The following CLDN14 variants were observed in gnomAD, a reference collection of about 807,000 sequenced individuals.
CLDN14 encodes claudin 14.
In CLDN14, 2 loss-of-function variants were observed where a neutral mutation model predicts 2.1. The ratio of observed to expected loss-of-function variants is 0.96; its 90% CI spans 0.39 to 3.01. The LOEUF is 3.01. Ranked by LOEUF, CLDN14 falls within the 30% of genes most tolerant of loss-of-function variation. The pLI, the probability that CLDN14 is intolerant of heterozygous loss-of-function variation, is 0.09. For synonymous variants in CLDN14, 136 were observed against 154.4 expected (o/e 0.88, Z 0.88); for missense variants, 298 against 328.0 (o/e 0.91, Z 0.71).
intron 1 of CLDN14, among the ~76,000 whole-genome samples, chr21:36,537,649 T>A (rs2087436493): frequency 9.1e-6 from 1 of 109,484 alleles, no homozygotes. Context: ...TGTTTTTCTT[T>A]TCTTTTCTTT....
intron 1 of CLDN14, among the ~76,000 whole-genome samples, chr21:36,512,945 A>G (rs1258530220): frequency 1.3e-5 from 2 of 152,252 alleles, no homozygotes; most frequent in Non-Finnish European, 2.9e-5. Flanking sequence ...ATAGCAACAA[A>G]GCAAGTACAT....
chr21:36,538,015 G>GTGTA (rs2087443241), intron 1 of CLDN14, among the ~76,000 whole-genome samples: 1 of 151,418 alleles, frequency 6.6e-6, no homozygotes, highest in South Asian at 2.1e-4. Context: ...GTGTGTGTGT[G>GTGTA]TACAGAGAGA....
chr21:36,502,047 G>C (rs1353593248), intron 2 of CLDN14, among the ~76,000 whole-genome samples: 1 of 152,016 alleles, frequency 6.6e-6, no homozygotes, highest in Non-Finnish European at 1.5e-5. Context: ...GGATGGAAGG[G>C]GTTAATGGTG....
chr21:36,515,591 TA>T (rs1418783603), intron 1 of CLDN14, among the ~76,000 whole-genome samples: 3 of 149,188 alleles, frequency 2.0e-5, no homozygotes, highest in Non-Finnish European at 4.4e-5. Flanking sequence ...GAGAATCACT[TA>T]AATCTGGGAG....
chr21:36,490,177 C>T (rs983985682), intron 2 of CLDN14, among the ~76,000 whole-genome samples: 1 of 152,090 alleles, frequency 6.6e-6, no homozygotes, highest in African/African-American at 2.4e-5. Context: ...GAGAAGAATG[C>T]TCTGTTTTAT....
chr21:36,530,331 A>G (rs895510319), intron 1 of CLDN14, among the ~76,000 whole-genome samples: 4 of 152,188 alleles, frequency 2.6e-5, no homozygotes, highest in African/African-American at 9.7e-5. Context: ...CTGAGGGAGC[A>G]GCTCCCCCTG....
Position 36,499,720 on chromosome 21 carries a change from T to C in CLDN14, c.-82+10643A>G, listed in dbSNP as rs1376979075. 1.3e-5 allele frequency among the ~76,000 whole-genome samples: 2 copies of C among 152,214 alleles called. No individual in the cohort carries two copies. The highest frequency in any genetic ancestry group is 4.8e-5 in the African/African-American group (2 of 41,456). On this transcript the variant is annotated intron_variant, in intron 2 of 2. Coordinates refer to the CLDN14 transcript ENST00000342108. The surrounding 1 kb of genome is among the most constrained non-coding windows in gnomAD (Gnocchi z 4.7). ...ACACGCAGACAATAAATACTGATTCTTGGACTACAGAGCCAAAGACAAATC... is the reference window on the plus strand; with the variant it reads ...ACACGCAGACAATAAATACTGATTCCTGGACTACAGAGCCAAAGACAAATC...
At chr21:36,474,936 T>C (rs1398366700) in intron 1 of CLDN14, among the ~76,000 whole-genome samples, 2 of 152,038 alleles carry the variant, frequency 1.3e-5, no homozygotes, top group Non-Finnish European at 2.9e-5. Context: ...GCTCCAAGTT[T>C]CTCAGGGAAA....
chr21:36,463,159 C>T (rs745392970), intron 1 of CLDN14, among the ~76,000 whole-genome samples: 27 of 152,162 alleles, frequency 1.8e-4, no homozygotes, highest in Non-Finnish European at 3.5e-4. Flanking sequence ...GCATTAGCAG[C>T]GAGCATTAGG....
At chr21:36,466,657 A>G (rs1441669076) in intron 1 of CLDN14, among the ~76,000 whole-genome samples, 1 of 152,192 alleles carries the variant, frequency 6.6e-6, no homozygotes, top group Non-Finnish European at 1.5e-5. Flanking sequence ...CAGACAAACC[A>G]TATCATTCTG....
Position 36,485,217 on chromosome 21 carries a change from C to CT in CLDN14, c.-81-23442dup, listed in dbSNP as rs1406433830. ...GGAGTGAGACTGTGATTTTGTTTTT[C>CT]TTTTTTTTTTGATGGCGTCTTAGTC... On this transcript the variant is annotated intron_variant, in intron 2 of 2. Coordinates refer to the CLDN14 transcript ENST00000342108. 9.0e-4 allele frequency among the ~76,000 whole-genome samples: 133 copies of CT among 147,118 alleles called. 6 individuals carry two copies. Among genetic ancestry groups the CT allele is most frequent in the Non-Finnish European group, 1.4e-3 (93 of 66,114 alleles).
At position 36,549,315 on chromosome 21, in the gene CLDN14, C is replaced by G. The variant is rs185423897; in HGVS notation, c.-220+27096G>C. Among the ~76,000 whole-genome samples, 563 of 152,158 alleles carry G rather than the reference C, an allele frequency of 3.7e-3. 6 individuals are homozygous for G. The highest frequency in any genetic ancestry group is 0.012 in the African/African-American group (481 of 41,508). On this transcript the variant is annotated intron_variant, in intron 1 of 2. Transcript: ENST00000342108. ...TCTCTCTCCTCCCCACCCCTGCCCC[C>G]CTCCGGCTACTGAGAGTCCTCGCTG...
intron 1 of CLDN14, among the ~76,000 whole-genome samples, chr21:36,537,205 A>G (rs553718180): frequency 6.6e-6 from 1 of 152,274 alleles, no homozygotes; most frequent in East Asian, 1.9e-4. Context: ...CAAACAAACA[A>G]AAAACAAAAA....
intron 1 of CLDN14, among the ~76,000 whole-genome samples, chr21:36,563,855 C>T (rs2087654429): frequency 6.6e-6 from 1 of 152,134 alleles, no homozygotes; most frequent in African/African-American, 2.4e-5. Flanking sequence ...ACTAATAATC[C>T]TCAAATTCAC....
chr21:36,545,598 T>A (rs762189784), intron 1 of CLDN14, among the ~76,000 whole-genome samples: 3 of 151,836 alleles, frequency 2.0e-5, no homozygotes, highest in Non-Finnish European at 4.4e-5. Context: ...TCAAGCCTCA[T>A]TTTTTTTCCT....
At chr21:36,506,862 T>C (rs980476938) in intron 2 of CLDN14, among the ~76,000 whole-genome samples, 1 of 152,146 alleles carries the variant, frequency 6.6e-6, no homozygotes, top group East Asian at 1.9e-4. Context: ...TTCCCACCTA[T>C]AATCCCAGTG....
rs943011623 is a variant in CLDN14 at position 36,544,370 on chromosome 21, AG to A, written c.-220+32040del. Among the ~76,000 whole-genome samples, 10 of 152,336 alleles carry A rather than the reference AG, an allele frequency of 6.6e-5. No homozygotes were observed. The highest frequency in any genetic ancestry group is 2.4e-4 in the African/African-American group (10 of 41,578). ...CTGTCTGACATCCAGACCCCATCAC[AG>A]GGTAGGCCTGCTGGATTGTGGGTGT... On this transcript the variant is annotated intron_variant, in intron 1 of 2. Coordinates refer to the CLDN14 transcript ENST00000342108. The surrounding 1 kb of genome is among the most constrained non-coding windows in gnomAD (Gnocchi z 4.1).
intron 2 of CLDN14, among the ~76,000 whole-genome samples, chr21:36,502,568 G>C (rs918250422): frequency 6.6e-6 from 1 of 152,190 alleles, no homozygotes; most frequent in Non-Finnish European, 1.5e-5. Context: ...TACAGCTACT[G>C]TTTTACACTT....
chr21:36,462,702 G>A (rs1360184648), intron 1 of CLDN14, among the ~76,000 whole-genome samples: 1 of 152,108 alleles, frequency 6.6e-6, no homozygotes, highest in Non-Finnish European at 1.5e-5. Context: ...GGCCGAGGCA[G>A]GTGGATCACC....
Sources: allele counts gnomAD v4.1 joint callset (sites outside exome capture counted in the v4.1 genomes callset), GRCh38; gene constraint gnomAD v4.1.1; non-coding constraint Gnocchi (gnomAD v3.1); transcripts MANE v1.5; gene names NCBI Gene and HGNC (gene_info 2026-07-23, HGNC 2026-07-21).